AOPEP: variants seen among roughly 807,000 people sequenced by gnomAD.
The protein encoded by AOPEP is aminopeptidase O (putative), also known as aminopeptidase O.
Under a neutral mutation model 98.1 loss-of-function variants are expected in AOPEP, and 77 were observed. The ratio of observed to expected loss-of-function variants is 0.78; its 90% CI spans 0.65 to 0.95. The LOEUF (loss-of-function observed/expected upper bound fraction) is 0.95. Ranked by LOEUF, AOPEP falls within the 40% of genes least tolerant of loss-of-function variation. The pLI is 0.00. For synonymous variants in AOPEP, 346 were observed against 365.3 expected (o/e 0.95, Z 0.60); for missense variants, 1,024 against 1,024.7 (o/e 1.00, Z 0.01).
At chr9:94,880,141 A>C (rs1318975439) in intron 5 of AOPEP, among the ~76,000 whole-genome samples, 1 of 152,186 alleles carries the variant, frequency 6.6e-6, no homozygotes, top group Non-Finnish European at 1.5e-5. Flanking sequence ...TTTAACATGC[A>C]CATCGGCTAG....
intron 15 of AOPEP, 56 bp downstream of exon 15, chr9:95,080,836 C>T (rs1379594582): frequency 9.2e-7 from 1 of 1,089,816 alleles, no homozygotes; most frequent in African/African-American, 1.5e-5. Flanking sequence ...CTGCACTTCA[C>T]ACAGGAATCC....
At chr9:94,984,436 C>T (rs73540077) in intron 11 of AOPEP, among the ~76,000 whole-genome samples, 1,801 of 152,186 alleles carry the variant, frequency 0.012, 33 homozygotes, top group African/African-American at 0.041. Context: ...TTTTTCAACT[C>T]GGACTGTTAT....
chr9:95,020,775 A>G (rs574159702), intron 13 of AOPEP, among the ~76,000 whole-genome samples: 18 of 151,956 alleles, frequency 1.2e-4, no homozygotes, highest in African/African-American at 3.9e-4. Context: ...AAAATTAGCC[A>G]GGTGTGGTGG....
At chr9:95,085,074 C>T (rs903503891) in intron 16 of AOPEP, 3 of 363,318 alleles carry the variant, frequency 8.3e-6, no homozygotes, top group African/African-American at 6.4e-5. Flanking sequence ...AATTATACCT[C>T]TAGGATGCCA....
chr9:94,895,253 AGC>A (rs2049374154), intron 5 of AOPEP, among the ~76,000 whole-genome samples: 1 of 147,694 alleles, frequency 6.8e-6, no homozygotes, highest in African/African-American at 2.6e-5. Context: ...AAAAAAAAAT[AGC>A]TGGGCATGGT....
chr9:94,759,281 T>G (rs1049432015), intron 1 of AOPEP, among the ~76,000 whole-genome samples: 2 of 152,240 alleles, frequency 1.3e-5, no homozygotes, highest in Admixed American at 1.3e-4. Flanking sequence ...AACAATCACT[T>G]ATCTTTTGAT....
chr9:94,818,717 G>A (rs1229844153), intron 5 of AOPEP, among the ~76,000 whole-genome samples: 9 of 152,278 alleles, frequency 5.9e-5, no homozygotes, highest in East Asian at 3.9e-4. Context: ...AATAAAGGCC[G>A]GGCGCGGTGG....
intron 11 of AOPEP, among the ~76,000 whole-genome samples, chr9:94,984,684 T>C (rs1469388607): frequency 6.6e-6 from 1 of 152,238 alleles, no homozygotes; most frequent in South Asian, 2.1e-4. Flanking sequence ...TCTTTTTAAA[T>C]GTAGCAACTA....
At chr9:95,127,731 C>T in the AOPEP span, among the ~76,000 whole-genome samples, 29 of 152,230 alleles carry the variant, frequency 1.9e-4, no homozygotes, top group African/African-American at 6.8e-4. Context: ...AAAAAGGAGG[C>T]GCTCTGCTCC....
At chr9:95,092,000 G>A (rs541043269), downstream of AOPEP, among the ~76,000 whole-genome samples, 8 of 152,154 alleles carry the variant, frequency 5.3e-5, no homozygotes, top group South Asian at 1.7e-3. Context: ...TGAGAGCTTC[G>A]GTCACCAGGC....
intron 5 of AOPEP, among the ~76,000 whole-genome samples, chr9:94,919,257 G>A (rs892759429): frequency 6.6e-6 from 1 of 152,146 alleles, no homozygotes; most frequent in African/African-American, 2.4e-5. Flanking sequence ...TTGATCAGAC[G>A]TAGCAAGTTT....
At chr9:94,746,415 T>C (rs1834492941) in intron 1 of AOPEP, among the ~76,000 whole-genome samples, 2 of 152,160 alleles carry the variant, frequency 1.3e-5, no homozygotes, top group Admixed American at 6.5e-5. Context: ...TGATTGTCAG[T>C]CCCCTAGGCA....
chr9:94,866,313 A>C (rs576764057), intron 5 of AOPEP, among the ~76,000 whole-genome samples: 1 of 152,328 alleles, frequency 6.6e-6, no homozygotes, highest in African/African-American at 2.4e-5. Flanking sequence ...GGGGACTCTG[A>C]AATGTGATAC....
chr9:94,929,532 C>T (rs1023079587), intron 7 of AOPEP, among the ~76,000 whole-genome samples: 5 of 152,280 alleles, frequency 3.3e-5, no homozygotes, highest in Admixed American at 1.3e-4. Flanking sequence ...CACGCTAAGG[C>T]GGACTCCCAA....
chr9:94,890,486 A>C (rs2136043860), intron 5 of AOPEP, among the ~76,000 whole-genome samples: 1 of 152,276 alleles, frequency 6.6e-6, no homozygotes, highest in South Asian at 2.1e-4. Context: ...TTTAATATGC[A>C]GTTTTGAGAG....
chr9:95,005,568 G>T lies in AOPEP; in HGVS notation c.2067G>T (p.Arg689=). The T allele has an allele frequency of 6.2e-7, 1 of 1,614,042 alleles. No homozygotes were observed. Among genetic ancestry groups the T allele is most frequent in the Non-Finnish European group, 8.5e-7 (1 of 1,179,954 alleles). Residue 689 remains arginine, a synonymous_variant, in exon 13 of 17, where the codon CGG becomes CGT. Transcript: ENST00000375315. ...TCACGAAATGGATTGGAGTGAACCG[G>T]AGACCCCGAAAACGGAAGCGCAGGG... The part of the protein sequence containing the change: ...AEVTKWIGVN[R]RPRKRKRREK...
intron 13 of AOPEP, among the ~76,000 whole-genome samples, chr9:95,006,399 G>T (rs1401686002): frequency 6.6e-6 from 1 of 152,184 alleles, no homozygotes; most frequent in Non-Finnish European, 1.5e-5. Flanking sequence ...TAGAATGTAT[G>T]ATGAATCACT....
intron 9 of AOPEP, among the ~76,000 whole-genome samples, chr9:94,959,106 C>T (rs1258257003): frequency 3.3e-5 from 5 of 151,774 alleles, no homozygotes; most frequent in Non-Finnish European, 7.4e-5. Flanking sequence ...TGCAGTGGCG[C>T]GGTCTCGGCT....
intron 11 of AOPEP, among the ~76,000 whole-genome samples, chr9:94,995,429 G>T (rs2061161020): frequency 6.6e-6 from 1 of 152,070 alleles, no homozygotes; most frequent in Admixed American, 6.5e-5. Flanking sequence ...GCACGTCCAA[G>T]GCCACAGAGC....
Sources: allele counts gnomAD v4.1 joint callset (sites outside exome capture counted in the v4.1 genomes callset), GRCh38; gene constraint gnomAD v4.1.1; transcripts MANE v1.5; gene names NCBI Gene and HGNC (gene_info 2026-07-23, HGNC 2026-07-21).